Variants in SPEG observed in about 807,000 individuals in gnomAD.
SPEG encodes striated muscle preferentially expressed protein kinase.
Under a neutral mutation model 300.4 loss-of-function variants are expected in SPEG, and 114 were observed. The ratio of observed to expected loss-of-function variants is 0.38; its 90% CI spans 0.33 to 0.44. The LOEUF (loss-of-function observed/expected upper bound fraction) is 0.44. Among genes scored for constraint, SPEG ranks in the 20% least tolerant of loss-of-function variants. The pLI, the probability that SPEG is intolerant of heterozygous loss-of-function variation, is 1.00. For synonymous variants in SPEG, 1,964 were observed against 2,018.9 expected, an observed-to-expected ratio of 0.97 and a Z score of 0.73; for missense variants, 4,201 against 4,586.2, an observed-to-expected ratio of 0.92 and a Z score of 2.43.
In SPEG at chr2:219,481,245, C is replaced by G; in HGVS notation, c.5370-59C>G. On this transcript the variant is annotated intron_variant, in intron 26 of 40. Transcript: ENST00000312358. This position sits in a 1 kb window ranked among gnomAD's most constrained non-coding sequence, Gnocchi z 5.4. Reference sequence around the variant, plus strand: ...CCATCTGTCCCCAGCCCTGTGCCCCCACTGACATTCCCCTTTGTCCCCGCC... The same window carrying G: ...CCATCTGTCCCCAGCCCTGTGCCCCGACTGACATTCCCCTTTGTCCCCGCC... 1.3e-6 allele frequency: 2 copies of G among 1,567,658 alleles called. No individual in the cohort carries two copies. Among genetic ancestry groups the G allele is most frequent in the Admixed American group, 3.4e-5 (2 of 58,858 alleles).
At chr2:219,461,388 AGGTC>A in intron 6 of SPEG, 1 of 999,340 alleles carries the variant, frequency 1.0e-6, no homozygotes, top group Non-Finnish European at 1.2e-6. Flanking sequence ...CCCTGGACCG[AGGTC>A]GGGATGTGAC....
In SPEG at chr2:219,461,601, C is replaced by T. The variant is rs151068078; in HGVS notation, c.2441-281C>T. 4.1e-5 allele frequency: 44 copies of T among 1,067,224 alleles called. No individual in the cohort carries two copies. The African/African-American group carries it at 5.7e-4, about 14-fold the overall frequency. 66.1% of individuals were successfully genotyped at this position (1,067,224 alleles called of 1,614,324 possible). On this transcript the variant is annotated intron_variant, in intron 6 of 40. Coordinates refer to ENST00000312358, the MANE Select transcript of SPEG (RefSeq NM_005876.5). Reference sequence around the variant, plus strand: ...TCTCCCACCAGGCCCAGGAGTGGCCCCTCTGCTGCCCGAACCCTTTGCCCC... The same window carrying T: ...TCTCCCACCAGGCCCAGGAGTGGCCTCTCTGCTGCCCGAACCCTTTGCCCC...
At position 219,435,317 on chromosome 2, in the gene SPEG, C is replaced by A. The variant is rs570323054; in HGVS notation, c.340C>A (p.Arg114=). 2 of 1,535,144 alleles carry A rather than the reference C, an allele frequency of 1.3e-6. No individual in the cohort carries two copies. The highest frequency in any genetic ancestry group is 1.4e-5 in the African/African-American group (1 of 72,308). Residue 114 remains arginine, a synonymous_variant, in exon 1 of 41, where the codon CGG becomes AGG. Coordinates refer to ENST00000312358, the MANE Select transcript of SPEG (RefSeq NM_005876.5). ...GTACAGCTGCATGGCCCAGAACGAG[C>A]GGGGCCGGGCCTCCTGCGAGGCGGT... is the stretch of plus-strand genomic sequence containing the variant. ...GVYSCMAQNE[R]GRASCEAVLT... is the part of the protein sequence containing the mutation.
Position 219,477,801 on chromosome 2 carries a change from G to A in SPEG, c.4826+16G>A, listed in dbSNP as rs778583121. ...AGATCGGCAGGTGTGGGGCTAGGAG[G>A]GAAGCCAGTGGGGGCCGAGAGAGGC... On this transcript the variant is annotated intron_variant, in intron 21 of 40. Transcript: ENST00000312358. The surrounding 1 kb of genome is among the most constrained non-coding windows in gnomAD (Gnocchi z 6.4). 3 of 1,599,266 alleles carry A rather than the reference G, an allele frequency of 1.9e-6. No homozygotes were observed. The highest frequency in any genetic ancestry group is 1.3e-5 in the African/African-American group (1 of 74,762).
rs757120010 is a variant in SPEG at position 219,488,612 on chromosome 2, C to T, written c.7973C>T (p.Ser2658Leu). ...CGGCACGCCGGTCTCTATGAGTGCT[C>T]GGCCACCAACGTACTGGGCAGCATC... ...GKRHAGLYECSATNVLGSITS... is the reference protein window; with the variant it reads ...GKRHAGLYECLATNVLGSITS... The change falls in exon 33 of 41, where the codon TCG becomes TTG. Residue 2658 changes from serine to leucine, a missense_variant. Around this residue, in one of 4 missense-constraint regions of SPEG, gnomAD observed 1,578 missense variants for 1,506.0 expected, o/e 1.05. Transcript: ENST00000312358. The T allele has an allele frequency of 2.3e-5, 37 of 1,611,582 alleles. No individual in the cohort carries two copies. The highest frequency in any genetic ancestry group is 2.5e-5 in the Non-Finnish European group (29 of 1,179,052).
rs775765890 is a variant in SPEG, at chr2:219,489,426, T to C, written c.8408T>C (p.Leu2803Pro). 5 of 1,612,378 alleles carry C rather than the reference T, an allele frequency of 3.1e-6. No homozygotes were observed. In the African/African-American group the frequency reaches 4.0e-5, roughly 13 times the overall value. ...RARPPDSPTS[L>P]APPLAPAAPT... The stretch of plus-strand genomic sequence containing the variant: ...CGGCCTCCTGACTCTCCTACCTCAC[T>C]GGCCCCACCCCTAGCTCCTGCTGCC... Residue 2803 changes from leucine (L) to proline (P), a missense_variant, in exon 36 of 41, where the codon CTG (leucine) becomes CCG (proline). Physicochemically the swap from Leu to Pro is moderately conservative, Grantham distance 98. This residue lies in a region of SPEG where 1,578 missense variants were observed against 1,506.0 expected (regional missense o/e 1.05). Transcript: ENST00000312358.
At chr2:219,487,670 G>A (rs1464149944) in intron 31 of SPEG, among the ~76,000 whole-genome samples, 1 of 152,152 alleles carries the variant, frequency 6.6e-6, no homozygotes, top group Non-Finnish European at 1.5e-5. Flanking sequence ...CGCTTCCAGG[G>A]TCTGCCCACA....
chr2:219,472,388 C>G (rs1691963600), intron 15 of SPEG, 57 bp downstream of exon 15: 1 of 1,464,296 alleles, frequency 6.8e-7, no homozygotes, highest in African/African-American at 1.4e-5. Flanking sequence ...AAGGCAGGCT[C>G]AGGCAGGACA....
Position 219,448,782 on chromosome 2 carries a change from C to T in SPEG, c.1624C>T (p.Pro542Ser), listed in dbSNP as rs983794693. 2 of 1,421,272 alleles carry T rather than the reference C, an allele frequency of 1.4e-6. 1 individual carries two copies. Among genetic ancestry groups the T allele is most frequent in the South Asian group, 3.0e-5 (2 of 67,708 alleles). 88.0% of individuals were successfully genotyped at this position (1,421,272 alleles called of 1,614,324 possible). A position where few individuals can be genotyped will look rare whatever the true frequency, so the allele number is the denominator to read the frequency against. Residue 542 changes from proline to serine, a missense_variant, in exon 4 of 41, where the codon CCC (proline) becomes TCC (serine). Pro to Ser is a moderately conservative substitution (Grantham distance 74). This residue lies in a region of SPEG where 1,258 missense variants were observed against 1,293.9 expected (regional missense o/e 0.97). Coordinates refer to ENST00000312358, the MANE Select transcript of SPEG (RefSeq NM_005876.5). ...CCCGCTCTTCTCTCGGCCCTCCACC[C>T]CCAAGACATCGCGGGCCGTGAGCCC... ...EPPLFSRPSTPKTSRAVSPAA... is the reference protein window; with the variant it reads ...EPPLFSRPSTSKTSRAVSPAA...
intron 18 of SPEG, among the ~76,000 whole-genome samples, chr2:219,475,923 C>G (rs1692297233): frequency 6.6e-6 from 1 of 152,010 alleles, no homozygotes; most frequent in Non-Finnish European, 1.5e-5. Context: ...CCCCCGTTGT[C>G]TGTGTGCCTG....
In SPEG at chr2:219,477,605, CTT is replaced by C; in HGVS notation, c.4730-83_4730-82del. The stretch of plus-strand genomic sequence containing the variant: ...CCCAACATTCTTGCACCTCTTCTCT[CTT>C]CTTCTTCTGTCCACCTGTCCCAGTC... On this transcript the variant is annotated intron_variant, in intron 20 of 40. Transcript: ENST00000312358. This position sits in a 1 kb window ranked among gnomAD's most constrained non-coding sequence, Gnocchi z 6.4. The C allele has an allele frequency of 7.2e-7, 1 of 1,394,672 alleles. No individual in the cohort carries two copies. Among genetic ancestry groups the C allele is most frequent in the Non-Finnish European group, 9.8e-7 (1 of 1,020,348 alleles). 86.4% of individuals were successfully genotyped at this position (1,394,672 alleles called of 1,614,324 possible). A position where few individuals can be genotyped will look rare whatever the true frequency, so the allele number is the denominator to read the frequency against.
At chr2:219,487,624 C>T (rs545679499) in intron 31 of SPEG, among the ~76,000 whole-genome samples, 5 of 152,302 alleles carry the variant, frequency 3.3e-5, no homozygotes, top group African/African-American at 7.2e-5. Context: ...CCCTGTCCCC[C>T]GATGGCAGGT....
chr2:219,441,147 G>A (rs1437746035), intron 1 of SPEG, among the ~76,000 whole-genome samples: 1 of 152,236 alleles, frequency 6.6e-6, no homozygotes, highest in African/African-American at 2.4e-5. Context: ...GTCATGGGGA[G>A]GATAGAATTT....
intron 6 of SPEG, among the ~76,000 whole-genome samples, chr2:219,456,860 G>A (rs1168220188): frequency 1.8e-5 from 2 of 113,632 alleles, no homozygotes; most frequent in African/African-American, 6.0e-5. Context: ...AGTGAGCTGA[G>A]ATCATAACAT....
At position 219,448,293 on chromosome 2, in the gene SPEG, G is replaced by T; in HGVS notation, c.1135G>T (p.Glu379Ter). ...ATCCCGACCCCAGACGCCACTGAGC[G>T]AGGCCTCAGGCCGCCTGTCGGCGTT... Reference protein sequence around the residue: ...AESRPQTPLSEASGRLSALGR... With the variant: ...AESRPQTPLS Residue 379 changes from glutamate (E) to a stop codon, truncating the protein, a stop_gained, in exon 4 of 41, where the codon GAG (glutamate) becomes TAG (stop). Coordinates refer to ENST00000312358, the MANE Select transcript of SPEG (RefSeq NM_005876.5). LOFTEE classifies it high-confidence loss of function. 1.2e-6 allele frequency: 2 copies of T among 1,609,764 alleles called. No homozygotes were observed. The highest frequency in any genetic ancestry group is 1.7e-6 in the Non-Finnish European group (2 of 1,178,754).
At chr2:219,478,208 A>C in intron 22 of SPEG, 103 bp downstream of exon 22, 1 of 990,006 alleles carries the variant, frequency 1.0e-6, no homozygotes, top group Non-Finnish European at 1.5e-6. Context: ...AGTAGTCCCA[A>C]TTGACAATTG....
At position 219,483,266 on chromosome 2, in the gene SPEG, G is replaced by A; in HGVS notation, c.5803G>A (p.Val1935Met). 2 of 1,609,838 alleles carry A rather than the reference G, an allele frequency of 1.2e-6. No individual in the cohort carries two copies. Among genetic ancestry groups the A allele is most frequent in the African/African-American group, 1.3e-5 (1 of 75,018 alleles). ...GGAAGAGCTGGAAGAGCTGCCCTCA[G>A]TGCCCCGCCCACTGCAGCCCGAGTT... Reference protein sequence around the residue: ...EEEELEELPSVPRPLQPEFSG... With the variant: ...EEEELEELPSMPRPLQPEFSG... Residue 1935 changes from valine to methionine, a missense_variant, in exon 30 of 41, where the codon GTG becomes ATG. Around this residue, in one of 4 missense-constraint regions of SPEG, gnomAD observed 1,578 missense variants for 1,506.0 expected, o/e 1.05. Coordinates refer to ENST00000312358, the MANE Select transcript of SPEG (RefSeq NM_005876.5).
intron 1 of SPEG, among the ~76,000 whole-genome samples, chr2:219,440,822 T>C (rs986446717): frequency 3.9e-5 from 6 of 152,120 alleles, no homozygotes; most frequent in Non-Finnish European, 7.3e-5. Flanking sequence ...TCACATAGAG[T>C]GCTTAGCACA....
Position 219,472,896 on chromosome 2 carries a change from A to C in SPEG, c.3947A>C (p.Asp1316Ala), listed in dbSNP as rs377373189. ...GTAGCTCCTCTCCCGCCAGACCCGGACTCCCTGACGTACACAGTGCAGCAC... is the reference window on the plus strand; with the variant it reads ...GTAGCTCCTCTCCCGCCAGACCCGGCCTCCCTGACGTACACAGTGCAGCAC... ...PRSLDMAIDP[D>A]SLTYTVQHQV... Residue 1316 changes from aspartate (D) to alanine (A), a missense_variant, in exon 16 of 41, where the codon GAC (aspartate) becomes GCC (alanine). Asp to Ala is a moderately radical substitution (Grantham distance 126). Around this residue, in one of 4 missense-constraint regions of SPEG, gnomAD observed 1,047 missense variants for 1,356.8 expected, o/e 0.77. Coordinates refer to ENST00000312358, the MANE Select transcript of SPEG (RefSeq NM_005876.5). 8.2e-6 allele frequency: 13 copies of C among 1,581,126 alleles called. No homozygotes were observed. The East Asian group carries it at 1.8e-4, about 22-fold the overall frequency.
Sources: allele counts gnomAD v4.1 joint callset (sites outside exome capture counted in the v4.1 genomes callset), GRCh38; gene constraint gnomAD v4.1.1; regional missense constraint gnomAD v4.1.1; non-coding constraint Gnocchi (gnomAD v3.1); transcripts MANE v1.5; gene names NCBI Gene and HGNC (gene_info 2026-07-23, HGNC 2026-07-21).